The following PPP1R12B variants were observed in gnomAD, a reference collection of about 807,000 sequenced individuals.
PPP1R12B encodes the protein myosin phosphatase target subunit 2.
Under a neutral mutation model 126.1 loss-of-function variants are expected in PPP1R12B, and 76 were observed. That is an observed-to-expected ratio of 0.60 (90% CI 0.50 to 0.73). PPP1R12B has a LOEUF of 0.73. Ranked by LOEUF, PPP1R12B falls within the 30% of genes least tolerant of loss-of-function variation. PPP1R12B has a pLI of 0.00. For missense variants in PPP1R12B, 1,052 were observed against 1,205.1 expected (o/e 0.87, Z 1.88); for synonymous variants, 356 against 434.7 (o/e 0.82, Z 2.25).
Position 202,446,230 on chromosome 1 carries a change from CTCTCTCTA to C in PPP1R12B, c.1668-2757_1668-2750del, listed in dbSNP as rs1239179146. ...ATTATATTACTCTCTCTCTCTCTCT[CTCTCTCTA>C]TATATATATATATATATATTTTTTT... On this transcript the variant is annotated intron_variant, in intron 12 of 23. Transcript: ENST00000608999. 2.8e-4 allele frequency among the ~76,000 whole-genome samples: 21 copies of C among 74,630 alleles called. 1 individual carries two copies. The highest frequency in any genetic ancestry group is 5.3e-3 in the Middle Eastern group (1 of 190). 49.0% of individuals were successfully genotyped at this position (74,630 alleles called of 152,430 possible). A position where few individuals can be genotyped will look rare whatever the true frequency, so the allele number is the denominator to read the frequency against.
At chr1:202,367,594 G>C (rs951392827) in intron 1 of PPP1R12B, among the ~76,000 whole-genome samples, 4 of 152,076 alleles carry the variant, frequency 2.6e-5, no homozygotes, top group Admixed American at 2.6e-4. Flanking sequence ...TTTTCCTTCT[G>C]CCTGGAATGC....
rs574754222 is a variant in PPP1R12B at position 202,542,484 on chromosome 1, T to G, written c.2491-16393T>G. Among the ~76,000 whole-genome samples the G allele has an allele frequency of 2.9e-3, 441 of 152,346 alleles. 2 individuals are homozygous for G. Among genetic ancestry groups the G allele is most frequent in the Non-Finnish European group, 5.1e-3 (350 of 68,036 alleles). On this transcript the variant is annotated intron_variant, in intron 18 of 23. Coordinates refer to ENST00000608999, the MANE Select transcript of PPP1R12B (RefSeq NM_002481.4). The stretch of plus-strand genomic sequence containing the variant: ...ATTCCCAGCAACATTGGAGTACATC[T>G]CAAATATATTTGAAGGTCAAGTTTA...
chr1:202,486,833 A>G (rs1258211731), intron 13 of PPP1R12B, among the ~76,000 whole-genome samples: 2 of 152,180 alleles, frequency 1.3e-5, no homozygotes, highest in Non-Finnish European at 2.9e-5. Context: ...CCCACAAGGA[A>G]CACTGTAAAC....
Position 202,353,025 on chromosome 1 carries a change from C to T in PPP1R12B, c.291+3883C>T, listed in dbSNP as rs190949715. Among the ~76,000 whole-genome samples the T allele has an allele frequency of 1.1e-4, 17 of 152,246 alleles. 1 individual carries two copies. In the Middle Eastern group the frequency reaches 0.014, roughly 124 times the overall value. ...TCATTCTAGAGTTGCCTCAGTCTGA[C>T]GCTGTAGACTTAGGGAGGCTAAAAT... On this transcript the variant is annotated intron_variant, in intron 1 of 23. Coordinates refer to ENST00000608999, the MANE Select transcript of PPP1R12B (RefSeq NM_002481.4).
At chr1:202,558,980 G>C in intron 19 of PPP1R12B, 87 bp downstream of exon 19, 1 of 1,330,428 alleles carries the variant, frequency 7.5e-7, no homozygotes, top group Non-Finnish European at 1.0e-6. Context: ...TAATAATTCA[G>C]TAATGTTTCT....
intron 18 of PPP1R12B, among the ~76,000 whole-genome samples, chr1:202,518,505 A>G (rs1682403149): frequency 6.6e-6 from 1 of 152,236 alleles, no homozygotes; most frequent in Admixed American, 6.5e-5. Context: ...AAGATAGTAT[A>G]GTAACTTGGA....
At chr1:202,465,364 A>G (rs961929176) in intron 13 of PPP1R12B, among the ~76,000 whole-genome samples, 1 of 152,214 alleles carries the variant, frequency 6.6e-6, no homozygotes, top group Non-Finnish European at 1.5e-5. Flanking sequence ...CTTGATATTT[A>G]TTTGAAGGGA....
rs1360335257 is a variant in PPP1R12B at position 202,360,709 on chromosome 1, C to CA, written c.291+11581dup. Among the ~76,000 whole-genome samples the CA allele has an allele frequency of 1.8e-3, 198 of 108,890 alleles. 1 individual carries two copies. Among genetic ancestry groups the CA allele is most frequent in the Middle Eastern group, 5.2e-3 (1 of 194 alleles). The allele number at this position is 108,890 out of a possible 152,430, so 71.4% of individuals were successfully genotyped here. On this transcript the variant is annotated intron_variant, in intron 1 of 23. Transcript: ENST00000608999. Reference sequence around the variant, plus strand: ...GGGCAACAAGAGTGAAACTCCGTCTCAAAAAAAAAAAAAAGTAAATTGTGA... The same window carrying CA: ...GGGCAACAAGAGTGAAACTCCGTCTCAAAAAAAAAAAAAAAGTAAATTGTGA...
In PPP1R12B at chr1:202,574,937, C is replaced by T; in HGVS notation, c.2863-5537C>T. 4.2e-6 allele frequency: 6 copies of T among 1,434,904 alleles called. No individual in the cohort carries two copies. In the South Asian group the frequency reaches 6.4e-5, roughly 15 times the overall value. 88.9% of individuals were successfully genotyped at this position (1,434,904 alleles called of 1,614,324 possible). ...TGATTTCTTTGTCCTACTTTTCTCT[C>T]CTCTGGTCTGTCTTGTCTCTCTCTG... is the stretch of plus-strand genomic sequence containing the variant. On this transcript the variant is annotated intron_variant, in intron 23 of 23. Transcript: ENST00000608999.
At chr1:202,470,279 T>C (rs1420000854) in intron 13 of PPP1R12B, among the ~76,000 whole-genome samples, 1 of 152,198 alleles carries the variant, frequency 6.6e-6, no homozygotes, top group African/African-American at 2.4e-5. Flanking sequence ...TTAGCTTCCT[T>C]TAGTATTTAG....
chr1:202,484,463 C>T (rs747320385), intron 13 of PPP1R12B, among the ~76,000 whole-genome samples: 10 of 152,164 alleles, frequency 6.6e-5, no homozygotes, highest in African/African-American at 2.2e-4. Flanking sequence ...GTAAGTGTCA[C>T]GGGTTTTGAC....
chr1:202,452,666 C>G (rs939458431), intron 13 of PPP1R12B, among the ~76,000 whole-genome samples: 1 of 152,158 alleles, frequency 6.6e-6, no homozygotes, highest in African/African-American at 2.4e-5. Flanking sequence ...AATAAAAGTG[C>G]TAGTGACTTT....
At chr1:202,473,261 G>C (rs1035758674) in intron 13 of PPP1R12B, among the ~76,000 whole-genome samples, 1 of 152,208 alleles carries the variant, frequency 6.6e-6, no homozygotes, top group Non-Finnish European at 1.5e-5. Context: ...ACACATATTA[G>C]ATCTAGAAAT....
chr1:202,465,171 T>TAAGG (rs1245879615), intron 13 of PPP1R12B, among the ~76,000 whole-genome samples: 1 of 152,196 alleles, frequency 6.6e-6, no homozygotes, highest in Non-Finnish European at 1.5e-5. Context: ...TCAGCTAGGT[T>TAAGG]AAGGAATCTG....
At chr1:202,363,144 ATCTTTAAACAG>A (rs1658515235) in intron 1 of PPP1R12B, among the ~76,000 whole-genome samples, 2 of 152,264 alleles carry the variant, frequency 1.3e-5, no homozygotes, top group Middle Eastern at 3.4e-3. Flanking sequence ...TGTAGTTTGA[ATCTTTAAACAG>A]TCAAATGATC....
Position 202,580,533 on chromosome 1 carries a change from CAG to C in PPP1R12B, c.2925_2926del (p.Arg975SerfsTer10). 6.2e-7 allele frequency: 1 copy of C among 1,613,946 alleles called. No homozygotes were observed. On this transcript the variant is annotated frameshift_variant, in exon 24 of 24. Coordinates refer to ENST00000608999, the MANE Select transcript of PPP1R12B (RefSeq NM_002481.4). LOFTEE classifies it high-confidence loss of function. Reference protein sequence around the residue: ...RLKDENGALIRVISKLSK With the variant: ...RLKDENGALIXVISKLSK ...TGAAAGATGAAAATGGTGCCCTCAT[CAG>C]AGTCATCAGCAAACTGTCCAAGTAG...
chr1:202,377,247 T>G (rs1419819095), intron 1 of PPP1R12B, among the ~76,000 whole-genome samples: 2 of 152,104 alleles, frequency 1.3e-5, no homozygotes, highest in Non-Finnish European at 2.9e-5. Context: ...CCTGGCAGGT[T>G]GGGTATCTCG....
At position 202,570,502 on chromosome 1, in the gene PPP1R12B, CAT is replaced by C. The variant is rs1558388364; in HGVS notation, c.2862+1306_2862+1307del. 2.0e-5 allele frequency among the ~76,000 whole-genome samples: 3 copies of C among 152,274 alleles called. No homozygotes were observed. In the East Asian group the frequency reaches 5.8e-4, roughly 29 times the overall value. On this transcript the variant is annotated intron_variant, in intron 23 of 23. Coordinates refer to ENST00000608999, the MANE Select transcript of PPP1R12B (RefSeq NM_002481.4). ...AAGCAATACCTGCTTATATCTCAAA[CAT>C]TTTAAATCTTCCAAGTTGATTCAAG... is the stretch of plus-strand genomic sequence containing the variant.
intron 1 of PPP1R12B, among the ~76,000 whole-genome samples, chr1:202,414,600 C>T (rs1667825280): frequency 6.6e-6 from 1 of 152,092 alleles, no homozygotes; most frequent in South Asian, 2.1e-4. Context: ...CTTGGATGGT[C>T]ACATTTTATT....
Sources: gnomAD v4.1 joint callset for allele counts (sites outside exome capture counted in the v4.1 genomes callset) on GRCh38, gnomAD v4.1.1 for gene constraint, MANE v1.5 for transcripts, NCBI Gene and HGNC (gene_info 2026-07-23, HGNC 2026-07-21) for gene names.